The following GRM3 variants were observed in gnomAD, a reference collection of about 807,000 sequenced individuals.
GRM3 encodes metabotropic glutamate receptor 3.
Under a neutral mutation model 70.5 loss-of-function variants are expected in GRM3, and 26 were observed. The observed-to-expected ratio is 0.37, with a 90% CI of 0.27 to 0.51. The LOEUF is 0.51. Ranked by LOEUF, GRM3 falls within the 20% of genes least tolerant of loss-of-function variation. The probability of loss-of-function intolerance (pLI) is 0.93; values close to 1 mark genes in which losing one functional copy is unlikely to be tolerated. For synonymous variants in GRM3, 443 were observed against 434.9 expected, an observed-to-expected ratio of 1.02 and a Z score of -0.23; for missense variants, 859 against 1,123.8, an observed-to-expected ratio of 0.76 and a Z score of 3.37.
chr7:86,710,572 G>A (rs1159197846), intron 1 of GRM3, among the ~76,000 whole-genome samples: 2 of 125,092 alleles, frequency 1.6e-5, no homozygotes, highest in Non-Finnish European at 3.3e-5. Flanking sequence ...GTGGTGGGGG[G>A]TGGGGGGAGG....
intron 1 of GRM3, among the ~76,000 whole-genome samples, chr7:86,740,526 A>C (rs1176443505): frequency 6.6e-6 from 1 of 152,252 alleles, no homozygotes; most frequent in Non-Finnish European, 1.5e-5. Context: ...CCTAACCAGA[A>C]TAAAAAGATT....
chr7:86,833,706 T>C (rs771644309), intron 3 of GRM3, among the ~76,000 whole-genome samples: 3 of 152,252 alleles, frequency 2.0e-5, no homozygotes, highest in Non-Finnish European at 2.9e-5. Flanking sequence ...ATTTGACATA[T>C]GTGGTTCACC....
Position 86,753,013 on chromosome 7 carries a change from GCACCCATAAA to G in GRM3, c.-140-11989_-140-11980del, listed in dbSNP as rs529465933. Among the ~76,000 whole-genome samples the G allele has an allele frequency of 1.2e-4, 19 of 152,104 alleles. No homozygotes were observed. In the South Asian group the frequency reaches 3.9e-3, roughly 32 times the overall value. On this transcript the variant is annotated intron_variant, in intron 1 of 5. Transcript: ENST00000361669. ...TTCTCCTGGCATATTATGGTATTTA[GCACCCATAAA>G]CACTAAACAATTCAGAATTTACTGG...
chr7:86,650,984 A>G (rs1793592044), intron 1 of GRM3, among the ~76,000 whole-genome samples: 1 of 152,216 alleles, frequency 6.6e-6, no homozygotes, highest in African/African-American at 2.4e-5. Flanking sequence ...ACATTTATCC[A>G]TAATATATAC....
intron 1 of GRM3, among the ~76,000 whole-genome samples, chr7:86,745,019 G>A (rs1005103777): frequency 6.6e-6 from 1 of 151,956 alleles, no homozygotes; most frequent in African/African-American, 2.4e-5. Context: ...GTGATAAATG[G>A]CTGATTTATG....
chr7:86,769,597 G>A (rs944377487), intron 2 of GRM3, among the ~76,000 whole-genome samples: 3 of 152,062 alleles, frequency 2.0e-5, no homozygotes, highest in Non-Finnish European at 2.9e-5. Flanking sequence ...TTTCCGGAAG[G>A]CAGCATAGGA....
At chr7:86,814,070 G>T (rs766546339) in intron 3 of GRM3, among the ~76,000 whole-genome samples, 2 of 151,704 alleles carry the variant, frequency 1.3e-5, no homozygotes, top group Admixed American at 1.3e-4. Context: ...CTATAAGCAC[G>T]ATCAGAAGAT....
At chr7:86,671,645 G>A (rs968835145) in intron 1 of GRM3, among the ~76,000 whole-genome samples, 122 of 152,248 alleles carry the variant, frequency 8.0e-4, no homozygotes, top group African/African-American at 2.9e-3. Flanking sequence ...TAATCTAGAG[G>A]TCTGACCACA....
chr7:86,784,411 T>C (rs1310353967), intron 2 of GRM3: 1 of 152,136 alleles, frequency 6.6e-6, no homozygotes, highest in Admixed American at 6.5e-5. Context: ...AATCATTGTA[T>C]CAAGAAGAGA....
chr7:86,663,248 C>G (rs966454499), intron 1 of GRM3, among the ~76,000 whole-genome samples: 1 of 151,632 alleles, frequency 6.6e-6, no homozygotes. Flanking sequence ...AAGGGGTAGG[C>G]CAAGAGAAAG....
chr7:86,824,072 C>T (rs182893260), intron 3 of GRM3, among the ~76,000 whole-genome samples: 354 of 152,226 alleles, frequency 2.3e-3, no homozygotes, highest in Non-Finnish European at 3.1e-3. Context: ...ACGACCAAGG[C>T]CAGTTCTGAG....
At position 86,825,936 on chromosome 7, in the gene GRM3, G is replaced by T. The variant is rs1367655779; in HGVS notation, c.1325-12903G>T. Among the ~76,000 whole-genome samples, 9 of 152,124 alleles carry T rather than the reference G, an allele frequency of 5.9e-5. No individual in the cohort carries two copies. The East Asian group carries it at 1.7e-3, about 29-fold the overall frequency. ...TGTCCATATCACATTTCACTCTTCT[G>T]CAGCACTTAGATCTTCAGCACAGCA... is the stretch of plus-strand genomic sequence containing the variant. On this transcript the variant is annotated intron_variant, in intron 3 of 5. Coordinates refer to ENST00000361669, the MANE Select transcript of GRM3 (RefSeq NM_000840.3).
intron 1 of GRM3, among the ~76,000 whole-genome samples, chr7:86,659,963 T>TAA (rs1179321322): frequency 6.6e-6 from 1 of 152,014 alleles, no homozygotes; most frequent in African/African-American, 2.4e-5. Flanking sequence ...TTCCTTTGTG[T>TAA]AAAACAAAAA....
intron 1 of GRM3, among the ~76,000 whole-genome samples, chr7:86,717,144 G>A (rs1328309716): frequency 6.6e-6 from 1 of 151,940 alleles, no homozygotes; most frequent in African/African-American, 2.4e-5. Flanking sequence ...GCATCACTCA[G>A]TTTTTAAGTC....
At chr7:86,857,131 G>GTTTT (rs57272959) in intron 5 of GRM3, among the ~76,000 whole-genome samples, 5,144 of 142,586 alleles carry the variant, frequency 0.036, 296 homozygotes, top group African/African-American at 0.12. Context: ...AAATTCAATG[G>GTTTT]TTTTTTTTTT....
chr7:86,823,851 C>T (rs543976207), intron 3 of GRM3, among the ~76,000 whole-genome samples: 1 of 152,204 alleles, frequency 6.6e-6, no homozygotes, highest in East Asian at 1.9e-4. Context: ...GCTTTGGTTT[C>T]CCACAATCTG....
intron 5 of GRM3, among the ~76,000 whole-genome samples, chr7:86,857,069 T>C (rs1471531823): frequency 6.6e-6 from 1 of 152,096 alleles, no homozygotes; most frequent in Admixed American, 6.6e-5. Context: ...CTCAGCTCAG[T>C]TACAAAATTC....
At chr7:86,685,970 T>C (rs1230635972) in intron 1 of GRM3, among the ~76,000 whole-genome samples, 2 of 150,502 alleles carry the variant, frequency 1.3e-5, no homozygotes, top group African/African-American at 4.9e-5. Flanking sequence ...TTTAATGAGA[T>C]AATACAATTA....
chr7:86,644,391 A>G lies in GRM3; in HGVS notation c.-622A>G, dbSNP rs1041850926. ...GTCCGTGCTTCTGCCAAGAGTCCCAATTAGATGCGACGGCTTCAGCCTGGT... is the reference window on the plus strand; with the variant it reads ...GTCCGTGCTTCTGCCAAGAGTCCCAGTTAGATGCGACGGCTTCAGCCTGGT... On this transcript the variant is annotated 5_prime_UTR_variant, in exon 1 of 6. Coordinates refer to ENST00000361669, the MANE Select transcript of GRM3 (RefSeq NM_000840.3). 1.9e-5 allele frequency: 6 copies of G among 322,104 alleles called. No homozygotes were observed. The highest frequency in any genetic ancestry group is 4.6e-5 in the Admixed American group (1 of 21,850). The allele number at this position is 322,104 out of a possible 1,614,324, so 20.0% of individuals were successfully genotyped here.
Sources: gnomAD v4.1 joint callset for allele counts (sites outside exome capture counted in the v4.1 genomes callset) on GRCh38, gnomAD v4.1.1 for gene constraint, MANE v1.5 for transcripts, NCBI Gene and HGNC (gene_info 2026-07-23, HGNC 2026-07-21) for gene names.